The following RAB11FIP4 variants were observed in gnomAD, a reference collection of about 807,000 sequenced individuals.
RAB11FIP4 encodes the protein RAB11 family interacting protein 4.
In RAB11FIP4, 23 loss-of-function variants were observed where a neutral mutation model predicts 74.3. The observed-to-expected ratio is 0.31, with a 90% CI of 0.22 to 0.44. The LOEUF is 0.44. RAB11FIP4 is among the 20% of genes least tolerant of loss of function. The pLI, the probability that RAB11FIP4 is intolerant of heterozygous loss-of-function variation, is 1.00. For missense variants in RAB11FIP4, 630 were observed against 863.9 expected, an observed-to-expected ratio of 0.73 and a Z score of 3.39; for synonymous variants, 360 against 359.9, an observed-to-expected ratio of 1.00 and a Z score of 0.00.
At chr17:31,471,484 C>T (rs1232944315) in intron 3 of RAB11FIP4, among the ~76,000 whole-genome samples, 1 of 152,164 alleles carries the variant, frequency 6.6e-6, no homozygotes, top group Admixed American at 6.5e-5. Flanking sequence ...AGACATGTTA[C>T]CCCAGCCAAG....
chr17:31,522,128 G>T (rs566893329), intron 6 of RAB11FIP4, 79 bp downstream of exon 6: 2 of 1,575,556 alleles, frequency 1.3e-6, no homozygotes, highest in Non-Finnish European at 1.7e-6. Context: ...CGGGCATGGC[G>T]AGGCGACCCC....
chr17:31,459,480 G>A (rs576216432), intron 3 of RAB11FIP4, among the ~76,000 whole-genome samples: 28 of 142,304 alleles, frequency 2.0e-4, no homozygotes, highest in Non-Finnish European at 3.6e-4. Context: ...TCCGGTGAGC[G>A]TTTTATTATT....
intron 3 of RAB11FIP4, among the ~76,000 whole-genome samples, chr17:31,490,416 A>T (rs1488721139): frequency 6.6e-6 from 1 of 152,158 alleles, no homozygotes; most frequent in Non-Finnish European, 1.5e-5. Flanking sequence ...AGGTATGGGT[A>T]AGGAGGGGGT....
chr17:31,394,086 AT>A (rs1176557603), intron 1 of RAB11FIP4, among the ~76,000 whole-genome samples: 1 of 151,990 alleles, frequency 6.6e-6, no homozygotes, highest in African/African-American at 2.4e-5. Context: ...AGGGTCAGTG[AT>A]TTTTTTCTTT....
intron 3 of RAB11FIP4, among the ~76,000 whole-genome samples, chr17:31,497,342 C>T (rs943959654): frequency 7.2e-5 from 11 of 151,954 alleles, no homozygotes; most frequent in South Asian, 2.1e-4. Flanking sequence ...CCAGCCTGGG[C>T]GACAGAGCGA....
chr17:31,481,740 AC>A (rs1249121059), intron 3 of RAB11FIP4, among the ~76,000 whole-genome samples: 1 of 152,114 alleles, frequency 6.6e-6, no homozygotes, highest in Non-Finnish European at 1.5e-5. Flanking sequence ...TAGGGAGGAA[AC>A]ACTGGTTTTC....
At chr17:31,410,671 G>A (rs2071085611) in intron 1 of RAB11FIP4, among the ~76,000 whole-genome samples, 1 of 152,148 alleles carries the variant, frequency 6.6e-6, no homozygotes, top group South Asian at 2.1e-4. Flanking sequence ...GACTGCTGTG[G>A]GCTGAGTCTG....
rs776647876 is a variant in RAB11FIP4 at position 31,528,743 on chromosome 17, G to T, written c.1618G>T (p.Val540Leu). 1 of 1,611,274 alleles carries T rather than the reference G, an allele frequency of 6.2e-7. No homozygotes were observed. The highest frequency in any genetic ancestry group is 1.1e-5 in the South Asian group (1 of 90,900). Residue 540 changes from valine (V) to leucine (L), a missense_variant, in exon 13 of 15, where the codon GTG becomes TTG. Val to Leu is a conservative substitution (Grantham distance 32). Coordinates refer to ENST00000621161, the MANE Select transcript of RAB11FIP4 (RefSeq NM_032932.6). ...CGAGTTCAATGCCAGGGCCCGCGAG[G>T]TGGAGCTCGAGCACGAGGTCAAGCG... The part of the protein sequence containing the change: ...LGEFNARARE[V>L]ELEHEVKRLK...
intron 3 of RAB11FIP4, among the ~76,000 whole-genome samples, chr17:31,461,687 G>A (rs571517008): frequency 4.0e-5 from 6 of 151,818 alleles, no homozygotes; most frequent in African/African-American, 9.7e-5. Flanking sequence ...CTCCCAAAGT[G>A]CTGGGATGAC....
At chr17:31,454,165 C>T (rs941321824) in intron 3 of RAB11FIP4, among the ~76,000 whole-genome samples, 1 of 152,208 alleles carries the variant, frequency 6.6e-6, no homozygotes, top group Non-Finnish European at 1.5e-5. Flanking sequence ...GCAAATGCTC[C>T]AACATTGTAT....
intron 1 of RAB11FIP4, chr17:31,392,646 G>C (rs2070885891): frequency 6.6e-6 from 1 of 152,360 alleles, no homozygotes; most frequent in Admixed American, 6.5e-5. Context: ...TGAGCAGAGG[G>C]CTTTCATGTG....
In RAB11FIP4 at chr17:31,520,716, C is replaced by T. The variant is rs567989430; in HGVS notation, c.564-450C>T. Among the ~76,000 whole-genome samples, 472 of 152,234 alleles carry T rather than the reference C, an allele frequency of 3.1e-3. 2 individuals carry two copies. Among genetic ancestry groups the T allele is most frequent in the Middle Eastern group, 0.014 (4 of 294 alleles). On this transcript the variant is annotated intron_variant, in intron 4 of 14. Coordinates refer to ENST00000621161, the MANE Select transcript of RAB11FIP4 (RefSeq NM_032932.6). The stretch of plus-strand genomic sequence containing the variant: ...TAGAGTTGGGGTTTCACCATGTTAG[C>T]CAGGATGGTCTCGATCTCCTGACCT...
At chr17:31,392,077 C>G (rs1277396571) in intron 1 of RAB11FIP4, 66 bp downstream of exon 1, 26 of 1,086,736 alleles carry the variant, frequency 2.4e-5, no homozygotes, top group Non-Finnish European at 2.9e-5. Context: ...CCTCCCCCAG[C>G]TCCCCCGCCG....
Position 31,410,428 on chromosome 17 carries a change from G to A in RAB11FIP4, c.159+18417G>A, listed in dbSNP as rs115337645. Among the ~76,000 whole-genome samples, 376 of 152,304 alleles carry A rather than the reference G, an allele frequency of 2.5e-3. 1 individual carries two copies. The highest frequency in any genetic ancestry group is 8.7e-3 in the African/African-American group (363 of 41,564). On this transcript the variant is annotated intron_variant, in intron 1 of 14. Transcript: ENST00000621161. ...TATTGCATAGTAGAAAATAGTGCAA[G>A]TTGGGCTGGGTGTGGTGGCTCACGT...
At chr17:31,402,486 C>T (rs879473235) in intron 1 of RAB11FIP4, among the ~76,000 whole-genome samples, 6 of 152,142 alleles carry the variant, frequency 3.9e-5, no homozygotes, top group Non-Finnish European at 5.9e-5. Flanking sequence ...GATTCCTGCC[C>T]TCTATGGAAT....
chr17:31,488,182 C>A (rs1490426659), intron 3 of RAB11FIP4: 3 of 1,081,544 alleles, frequency 2.8e-6, no homozygotes, highest in Non-Finnish European at 2.2e-6. Flanking sequence ...CCGCCGCGTC[C>A]CCGCGCGCCG....
At chr17:31,519,007 C>CTTTTT (rs1190316585) in intron 4 of RAB11FIP4, among the ~76,000 whole-genome samples, 24 of 73,978 alleles carry the variant, frequency 3.2e-4, no homozygotes, top group East Asian at 1.4e-3. Context: ...TAAGTTTTGT[C>CTTTTT]TTTTTTTTTT....
intron 3 of RAB11FIP4, among the ~76,000 whole-genome samples, chr17:31,514,961 G>A (rs2072519239): frequency 6.6e-6 from 1 of 152,204 alleles, no homozygotes; most frequent in Non-Finnish European, 1.5e-5. Context: ...AGGATAAATG[G>A]AATCAAGTGT....
intron 2 of RAB11FIP4, among the ~76,000 whole-genome samples, chr17:31,433,567 G>T (rs535746172): frequency 6.6e-6 from 1 of 152,220 alleles, no homozygotes; most frequent in South Asian, 2.1e-4. Context: ...GAGGCCAGCC[G>T]TGTACAGAGT....
Sources: gnomAD v4.1 joint callset for allele counts (sites outside exome capture counted in the v4.1 genomes callset) on GRCh38, gnomAD v4.1.1 for gene constraint, MANE v1.5 for transcripts, NCBI Gene and HGNC (gene_info 2026-07-23, HGNC 2026-07-21) for gene names.